Variants in EPYC observed in about 807,000 individuals in gnomAD.
EPYC encodes epiphycan.
Under a neutral mutation model 30.1 loss-of-function variants are expected in EPYC, and 28 were observed. That is an observed-to-expected ratio of 0.93 (90% CI 0.69 to 1.28). EPYC has a LOEUF of 1.28. EPYC is among the 50% of genes most tolerant of loss of function. The pLI is 0.00. For missense variants in EPYC, 382 were observed against 383.5 expected (o/e 1.00, Z 0.03); for synonymous variants, 144 against 141.4 (o/e 1.02, Z -0.13).
chr12:90,972,229 G>A (rs912223141), intron 4 of EPYC, among the ~76,000 whole-genome samples: 1 of 152,060 alleles, frequency 6.6e-6, no homozygotes, highest in Admixed American at 6.6e-5. Flanking sequence ...TAAAATAACT[G>A]GTCTTCTCTC....
chr12:90,973,823 G>A (rs575184406), intron 3 of EPYC, among the ~76,000 whole-genome samples: 1 of 152,198 alleles, frequency 6.6e-6, no homozygotes, highest in East Asian at 1.9e-4. Flanking sequence ...CCATAAGGAT[G>A]GGCAGAGGTA....
At chr12:90,972,070 T>A (rs940329233) in intron 4 of EPYC, 68 bp from the exon 5 acceptor site, 8 of 975,720 alleles carry the variant, frequency 8.2e-6, no homozygotes, top group Non-Finnish European at 1.2e-5. Context: ...ATAAATGTAA[T>A]TTTCCTTTAT....
intron 2 of EPYC, among the ~76,000 whole-genome samples, chr12:90,988,222 C>T (rs1039834102): frequency 6.6e-6 from 1 of 152,100 alleles, no homozygotes; most frequent in East Asian, 1.9e-4. Flanking sequence ...CACTTGTTCT[C>T]ATCATGGAAA....
At chr12:90,991,804 C>A (rs1376066696) in intron 2 of EPYC, among the ~76,000 whole-genome samples, 1 of 152,072 alleles carries the variant, frequency 6.6e-6, no homozygotes, top group African/African-American at 2.4e-5. Context: ...AGAGCTGATT[C>A]AAATATGTGA....
intron 6 of EPYC, 80 bp from the exon 7 acceptor site, chr12:90,964,406 C>A: frequency 2.0e-6 from 2 of 984,896 alleles, no homozygotes; most frequent in Non-Finnish European, 2.9e-6. Context: ...CTGTGCTTCA[C>A]CCTTGTTTTT....
chr12:91,002,829 T>C (rs1877863857), intron 1 of EPYC, among the ~76,000 whole-genome samples: 2 of 149,726 alleles, frequency 1.3e-5, no homozygotes, highest in Admixed American at 1.4e-4. Context: ...AAAATTTTAT[T>C]TTATTTTATA....
At chr12:90,980,526 T>C (rs1877301050) in intron 2 of EPYC, among the ~76,000 whole-genome samples, 1 of 152,150 alleles carries the variant, frequency 6.6e-6, no homozygotes, top group Non-Finnish European at 1.5e-5. Flanking sequence ...AGGCATTTTT[T>C]CCCCTCTTCA....
At chr12:90,968,190 C>T (rs1231027034) in intron 6 of EPYC, among the ~76,000 whole-genome samples, 1 of 152,026 alleles carries the variant, frequency 6.6e-6, no homozygotes, top group African/African-American at 2.4e-5. Context: ...ATGTTTTGTG[C>T]CTATTAACTC....
At chr12:90,972,640 T>A (rs1350597832) in intron 4 of EPYC, 182 bp downstream of exon 4, 2 of 549,312 alleles carry the variant, frequency 3.6e-6, no homozygotes, top group East Asian at 6.1e-5. Context: ...TGACCATTGC[T>A]TATTTGTTGT....
intron 2 of EPYC, among the ~76,000 whole-genome samples, chr12:90,990,540 G>A (rs1877558260): frequency 6.6e-6 from 1 of 151,874 alleles, no homozygotes; most frequent in Non-Finnish European, 1.5e-5. Context: ...TATCTCCTGG[G>A]GCAAAATTAT....
chr12:90,987,818 A>T (rs1320225083), intron 2 of EPYC, among the ~76,000 whole-genome samples: 1 of 152,154 alleles, frequency 6.6e-6, no homozygotes, highest in Non-Finnish European at 1.5e-5. Context: ...TGTACAATGT[A>T]ATAGCCTTAC....
chr12:90,986,996 G>T (rs910306575), intron 2 of EPYC, among the ~76,000 whole-genome samples: 1 of 152,028 alleles, frequency 6.6e-6, no homozygotes, highest in Non-Finnish European at 1.5e-5. Flanking sequence ...AGTTGAATCA[G>T]TATGGGTAAA....
At chr12:90,985,070 G>A (rs1661142373) in intron 2 of EPYC, among the ~76,000 whole-genome samples, 1 of 152,122 alleles carries the variant, frequency 6.6e-6, no homozygotes, top group South Asian at 2.1e-4. Flanking sequence ...TGCAGCCTGA[G>A]AGTTTGGAGA....
intron 2 of EPYC, among the ~76,000 whole-genome samples, chr12:90,980,520 A>AT (rs1257374059): frequency 1.3e-5 from 2 of 152,098 alleles, no homozygotes; most frequent in African/African-American, 2.4e-5. Flanking sequence ...AGATTTAGGC[A>AT]TTTTTTCCCC....
intron 4 of EPYC, among the ~76,000 whole-genome samples, chr12:90,972,221 A>G (rs903656282): frequency 7.9e-5 from 12 of 152,214 alleles, no homozygotes; most frequent in African/African-American, 2.7e-4. Context: ...ACCACGTTTA[A>G]AATAACTGGT....
chr12:91,000,147 A>C (rs139823670), intron 2 of EPYC, among the ~76,000 whole-genome samples: 1 of 152,096 alleles, frequency 6.6e-6, no homozygotes, highest in South Asian at 2.1e-4. Context: ...GATAACTAAT[A>C]TATTTCAGTC....
intron 2 of EPYC, among the ~76,000 whole-genome samples, chr12:90,983,419 G>A (rs924613176): frequency 2.6e-4 from 39 of 152,236 alleles, no homozygotes; most frequent in Middle Eastern, 3.4e-3. Flanking sequence ...CAACTAGTGC[G>A]GCTGCCAGAC....
At chr12:90,978,381 G>A in intron 2 of EPYC, 119 bp from the exon 3 acceptor site, 2 of 937,984 alleles carry the variant, frequency 2.1e-6, no homozygotes, top group Admixed American at 3.5e-5. Context: ...ATGTTCTAAA[G>A]TTCAATAGTT....
At chr12:90,986,138 C>A (rs938254279) in intron 2 of EPYC, among the ~76,000 whole-genome samples, 7 of 151,956 alleles carry the variant, frequency 4.6e-5, no homozygotes, top group Admixed American at 2.0e-4. Context: ...GAACAAGTTA[C>A]CCATTTGTTG....
Sources: allele counts gnomAD v4.1 joint callset (sites outside exome capture counted in the v4.1 genomes callset), GRCh38; gene constraint gnomAD v4.1.1; transcripts MANE v1.5; gene names NCBI Gene and HGNC (gene_info 2026-07-23, HGNC 2026-07-21).